Variants in CPZ observed in about 807,000 individuals in gnomAD.
CPZ encodes the protein carboxypeptidase Z, also known as VEZT/CPZ fusion.
A neutral mutation model predicts 61.8 loss-of-function variants in CPZ; 103 were observed. That is an observed-to-expected ratio of 1.67 (90% CI 1.42 to 1.96). The LOEUF (loss-of-function observed/expected upper bound fraction) is 1.96. Ranked by LOEUF, CPZ falls within the 30% of genes most tolerant of loss-of-function variation. CPZ has a pLI of 0.00. For synonymous variants in CPZ, 551 were observed against 373.7 expected, an observed-to-expected ratio of 1.47 and a Z score of -5.47; for missense variants, 1,461 against 914.9, an observed-to-expected ratio of 1.60 and a Z score of -7.70.
chr4:8,615,054 T>G (rs1417940786), intron 9 of CPZ, among the ~76,000 whole-genome samples: 1 of 151,228 alleles, frequency 6.6e-6, no homozygotes, highest in African/African-American at 2.4e-5. Context: ...GGCAGTGGGG[T>G]AGCTGTGTGG....
In CPZ at chr4:8,592,844, C is replaced by A. The variant is rs370877808; in HGVS notation, c.11C>A (p.Pro4Gln). Reference protein sequence around the residue: MPPPLPLLLLTVLV... With the variant: MPPQLPLLLLTVLV... ...GTCCGCCGCCCCACCATGCCGCCCC[C>A]GCTGCCGCTGCTGCTCCTTACAGTC... The change falls in exon 1 of 11, where the codon CCG (proline) becomes CAG (glutamine). Residue 4 changes from proline to glutamine, a missense_variant. Coordinates refer to ENST00000360986, the MANE Select transcript of CPZ (RefSeq NM_001014447.3). The A allele has an allele frequency of 6.8e-7, 1 of 1,479,298 alleles. No homozygotes were observed. Among genetic ancestry groups the A allele is most frequent in the Non-Finnish European group, 8.9e-7 (1 of 1,120,724 alleles). 91.6% of individuals were successfully genotyped at this position (1,479,298 alleles called of 1,614,324 possible).
intron 5 of CPZ, among the ~76,000 whole-genome samples, chr4:8,606,431 T>G (rs1424435146): frequency 6.6e-6 from 1 of 151,826 alleles, no homozygotes; most frequent in East Asian, 1.9e-4. Flanking sequence ...GAGTCGATGG[T>G]GCCCGTGTGT....
At chr4:8,612,285 G>T (rs998576416) in intron 8 of CPZ, 123 bp downstream of exon 8, 3 of 826,402 alleles carry the variant, frequency 3.6e-6, no homozygotes, top group Admixed American at 6.5e-5. Flanking sequence ...GGAAGACAGG[G>T]CGATGCCTCA....
intron 9 of CPZ, 172 bp from the exon 10 acceptor site, chr4:8,618,257 G>GGAGT: frequency 1.6e-6 from 1 of 617,330 alleles, no homozygotes; most frequent in Non-Finnish European, 2.9e-6. Flanking sequence ...CCCAGAGAGG[G>GGAGT]GAGTGACTGA....
chr4:8,619,387 G>A lies in CPZ; in HGVS notation c.1729G>A (p.Val577Met), dbSNP rs756445557. Residue 577 changes from valine to methionine, a missense_variant, in exon 11 of 11, where the codon GTG becomes ATG. Transcript: ENST00000360986. ...IPARMKRAGR[V>M]DFILQPLGMG... ...CGCCCGGATGAAGAGGGCTGGCCGTGTGGACTTCATTCTGCAACCTCTGGG... is the reference window on the plus strand; with the variant it reads ...CGCCCGGATGAAGAGGGCTGGCCGTATGGACTTCATTCTGCAACCTCTGGG... 4 of 1,614,222 alleles carry A rather than the reference G, an allele frequency of 2.5e-6. No homozygotes were observed. The highest frequency in any genetic ancestry group is 1.1e-5 in the South Asian group (1 of 91,082).
chr4:8,606,618 T>C (rs1715031312), intron 5 of CPZ, 119 bp from the exon 6 acceptor site: 1 of 1,321,506 alleles, frequency 7.6e-7, no homozygotes, highest in Admixed American at 1.8e-5. Context: ...GCTCATCACA[T>C]AAAGCCGGGG....
chr4:8,593,063 G>C, intron 1 of CPZ, 142 bp downstream of exon 1: 3 of 644,600 alleles, frequency 4.7e-6, no homozygotes, highest in Non-Finnish European at 7.6e-6. Flanking sequence ...TCCAAAGTGG[G>C]CAGCATGTGG....
chr4:8,613,129 G>A (rs979593250), intron 8 of CPZ, among the ~76,000 whole-genome samples: 1 of 139,676 alleles, frequency 7.2e-6, no homozygotes, highest in Non-Finnish European at 1.5e-5. Flanking sequence ...GCCCCTCTCT[G>A]TTCCTTTTTT....
intron 7 of CPZ, among the ~76,000 whole-genome samples, chr4:8,609,834 A>C (rs531937290): frequency 2.9e-4 from 44 of 152,320 alleles, no homozygotes; most frequent in Middle Eastern, 3.4e-3. Context: ...TGATCTCTGG[A>C]AACCAGGGTC....
chr4:8,596,244 G>C (rs1221140589), intron 1 of CPZ, among the ~76,000 whole-genome samples: 1 of 152,188 alleles, frequency 6.6e-6, no homozygotes, highest in Non-Finnish European at 1.5e-5. Flanking sequence ...TAGAGACGGG[G>C]TTTCACCATG....
At chr4:8,615,734 G>A (rs1407539520) in intron 9 of CPZ, among the ~76,000 whole-genome samples, 1 of 152,230 alleles carries the variant, frequency 6.6e-6, no homozygotes, top group Non-Finnish European at 1.5e-5. Flanking sequence ...GACATGGCCT[G>A]TCTGGTGTCG....
rs147068997 is a variant in CPZ, at chr4:8,619,129, C to A, written c.1604-133C>A. On this transcript the variant is annotated intron_variant, in intron 10 of 10. Coordinates refer to ENST00000360986, the MANE Select transcript of CPZ (RefSeq NM_001014447.3). Reference sequence around the variant, plus strand: ...AAAGGGGTGGGAAGGACGTTCCAGGCCCACACAGAGGCAAGTGCACATTTG... The same window carrying A: ...AAAGGGGTGGGAAGGACGTTCCAGGACCACACAGAGGCAAGTGCACATTTG... The A allele has an allele frequency of 4.2e-6, 3 of 721,242 alleles. No individual in the cohort carries two copies. The South Asian group carries it at 5.8e-5, about 14-fold the overall frequency. 44.7% of individuals were successfully genotyped at this position (721,242 alleles called of 1,614,324 possible).
chr4:8,599,658 C>T (rs750900956), intron 2 of CPZ, 173 bp downstream of exon 2: 5 of 1,433,794 alleles, frequency 3.5e-6, no homozygotes, highest in Non-Finnish European at 4.6e-6. Context: ...TTAGACATAA[C>T]AAAAAAAGAC....
chr4:8,614,754 A>G (rs1040836133), intron 9 of CPZ, among the ~76,000 whole-genome samples: 1 of 152,172 alleles, frequency 6.6e-6, no homozygotes, highest in Non-Finnish European at 1.5e-5. Flanking sequence ...GTTACAGCCT[A>G]AAGCAGCACA....
At chr4:8,594,904 C>T (rs1288875350) in intron 1 of CPZ, among the ~76,000 whole-genome samples, 1 of 152,078 alleles carries the variant, frequency 6.6e-6, no homozygotes, top group Non-Finnish European at 1.5e-5. Flanking sequence ...TCCCGAGTAG[C>T]TGGGACTACA....
chr4:8,608,236 A>C (rs1320039979), intron 7 of CPZ, among the ~76,000 whole-genome samples: 1 of 150,288 alleles, frequency 6.7e-6, no homozygotes, highest in African/African-American at 2.4e-5. Context: ...CCTGCCCTCC[A>C]CCTGGCCCCT....
chr4:8,603,918 G>A, intron 3 of CPZ, 58 bp from the exon 4 acceptor site: 1 of 1,482,828 alleles, frequency 6.7e-7, no homozygotes, highest in African/African-American at 1.4e-5. Flanking sequence ...GCGTTCCCAG[G>A]CAGTGGTAGG....
chr4:8,614,552 G>A, intron 9 of CPZ, 54 bp downstream of exon 9: 1 of 1,583,904 alleles, frequency 6.3e-7, no homozygotes, highest in African/African-American at 1.3e-5. Context: ...GGTGGGGTGG[G>A]TCACATTCAG....
chr4:8,592,966 C>A, intron 1 of CPZ, 45 bp downstream of exon 1: 1 of 1,414,168 alleles, frequency 7.1e-7, no homozygotes, highest in African/African-American at 1.4e-5. Flanking sequence ...CACCCTGCAA[C>A]CTCTGGGGAG....
Sources: gnomAD v4.1 joint callset for allele counts (sites outside exome capture counted in the v4.1 genomes callset) on GRCh38, gnomAD v4.1.1 for gene constraint, MANE v1.5 for transcripts, NCBI Gene and HGNC (gene_info 2026-07-23, HGNC 2026-07-21) for gene names.